Variants in METTL14 observed in about 807,000 individuals in gnomAD.
METTL14 encodes the protein N(6)-adenosine-methyltransferase non-catalytic subunit METTL14.
Under a neutral mutation model 62.4 loss-of-function variants are expected in METTL14, and 32 were observed. That is an observed-to-expected ratio of 0.51 (90% confidence interval 0.39 to 0.69). The LOEUF (loss-of-function observed/expected upper bound fraction) is 0.69, where lower values mean the gene tolerates loss of function less well. Among genes scored for constraint, METTL14 ranks in the 30% least tolerant of loss-of-function variants. METTL14 has a pLI of 0.00. For missense variants in METTL14, 340 were observed against 551.9 expected (o/e 0.62, Z 3.85); for synonymous variants, 150 against 180.0 (o/e 0.83, Z 1.34).
At chr4:118,701,676 G>A (rs774573576) in intron 8 of METTL14, among the ~76,000 whole-genome samples, 1 of 152,092 alleles carries the variant, frequency 6.6e-6, no homozygotes, top group Non-Finnish European at 1.5e-5. Context: ...TTTATTGGTT[G>A]ACACTTCGTT....
intron 7 of METTL14, 49 bp from the exon 8 acceptor site, chr4:118,700,501 G>T: frequency 7.0e-7 from 1 of 1,429,524 alleles, no homozygotes; most frequent in East Asian, 2.3e-5. Context: ...GATTTAGGAT[G>T]AATGGGAAAC....
chr4:118,707,663 C>CAAA (rs58896173), intron 10 of METTL14, among the ~76,000 whole-genome samples: 21 of 54,084 alleles, frequency 3.9e-4, no homozygotes, highest in East Asian at 6.5e-4. Flanking sequence ...GACCCTGTCT[C>CAAA]AAAAAAAAAA....
chr4:118,706,806 T>A (rs924691637), intron 10 of METTL14, among the ~76,000 whole-genome samples: 2 of 152,206 alleles, frequency 1.3e-5, no homozygotes, highest in African/African-American at 2.4e-5. Flanking sequence ...AATGTTGTTT[T>A]AATTTGCATT....
In METTL14 at chr4:118,694,424, T is replaced by A; in HGVS notation, c.413-12T>A. 6.2e-7 allele frequency: 1 copy of A among 1,600,944 alleles called. No homozygotes were observed. The highest frequency in any genetic ancestry group is 8.5e-7 in the Non-Finnish European group (1 of 1,174,856). Reference sequence around the variant, plus strand: ...TGAGATGAATTCAGAATTTACTATTTTTTCTGCTCAGGTTTAGCTGACAGA... The same window carrying A: ...TGAGATGAATTCAGAATTTACTATTATTTCTGCTCAGGTTTAGCTGACAGA... On this transcript the variant is annotated splice_polypyrimidine_tract_variant and intron_variant, in intron 5 of 10. Transcript: ENST00000388822.
At chr4:118,700,355 T>C (rs797000394) in intron 7 of METTL14, among the ~76,000 whole-genome samples, 195 bp from the exon 8 acceptor site, 14 of 152,290 alleles carry the variant, frequency 9.2e-5, no homozygotes, top group African/African-American at 2.6e-4. Context: ...GGTGTGTATG[T>C]TGTTTGTATA....
intron 1 of METTL14, among the ~76,000 whole-genome samples, chr4:118,687,536 G>T (rs1384451058): frequency 5.3e-5 from 8 of 152,114 alleles, no homozygotes; most frequent in Admixed American, 5.2e-4. Flanking sequence ...ACTTACGGTG[G>T]AGTTGTGTTC....
intron 7 of METTL14, among the ~76,000 whole-genome samples, chr4:118,700,328 A>G (rs535495491): frequency 1.3e-5 from 2 of 152,274 alleles, no homozygotes; most frequent in South Asian, 4.1e-4. Flanking sequence ...AAGTGTATAT[A>G]TGTATATATG....
rs567881469 is a variant in METTL14 at position 118,694,544 on chromosome 4, A to G, written c.503+18A>G. On this transcript the variant is annotated intron_variant, in intron 6 of 10. Coordinates refer to ENST00000388822, the MANE Select transcript of METTL14 (RefSeq NM_020961.4). ...CCTCCCATGTAAGTGTTTTTATTCA[A>G]TTACTGTTTATTCCCAACTCAGGCT... The G allele has an allele frequency of 5.2e-6, 8 of 1,550,474 alleles. No homozygotes were observed. In the African/African-American group the frequency reaches 8.1e-5, roughly 16 times the overall value.
intron 2 of METTL14, among the ~76,000 whole-genome samples, chr4:118,688,483 A>G (rs539204958): frequency 1.3e-5 from 2 of 152,158 alleles, no homozygotes; most frequent in East Asian, 1.9e-4. Context: ...GTTTTAATAA[A>G]TAACCCTAGG....
intron 5 of METTL14, among the ~76,000 whole-genome samples, chr4:118,692,717 T>G (rs1560878234): frequency 6.6e-6 from 1 of 152,210 alleles, no homozygotes; most frequent in Non-Finnish European, 1.5e-5. Flanking sequence ...AAGAGTTTTT[T>G]TTTAATGTAT....
chr4:118,700,707 C>T, intron 8 of METTL14, 65 bp downstream of exon 8: 2 of 1,120,612 alleles, frequency 1.8e-6, no homozygotes, highest in Non-Finnish European at 2.6e-6. Flanking sequence ...CAGTATGTTG[C>T]ATAGGATGTT....
In METTL14 at chr4:118,701,183, G is replaced by GTTTTTTTTTTTT. The variant is rs373953605; in HGVS notation, c.738+550_738+551insTTTTTTTTTTTT. Among the ~76,000 whole-genome samples, 35 of 132,296 alleles carry GTTTTTTTTTTTT rather than the reference G, an allele frequency of 2.6e-4. 2 individuals are homozygous for GTTTTTTTTTTTT. The highest frequency in any genetic ancestry group is 4.1e-4 in the Non-Finnish European group (25 of 60,488). The allele number at this position is 132,296 out of a possible 152,430, so 86.8% of individuals were successfully genotyped here. On this transcript the variant is annotated intron_variant, in intron 8 of 10. Coordinates refer to ENST00000388822, the MANE Select transcript of METTL14 (RefSeq NM_020961.4). ...TATTTTTTTATTGGAGTTTTTTTTTGTTTTTTTTTGTTTTTTTGAGACAAG... is the reference window on the plus strand; with the variant it reads ...TATTTTTTTATTGGAGTTTTTTTTTGTTTTTTTTTTTTTTTTTTTTTGTTTTTTTGAGACAAG...
chr4:118,694,599 T>G, intron 6 of METTL14, 73 bp downstream of exon 6: 1 of 1,057,848 alleles, frequency 9.5e-7, no homozygotes, highest in Non-Finnish European at 1.4e-6. Flanking sequence ...TCCTATAACC[T>G]TTTTTCTTCT....
chr4:118,690,574 G>A (rs1447674932), intron 3 of METTL14, among the ~76,000 whole-genome samples: 1 of 151,904 alleles, frequency 6.6e-6, no homozygotes, highest in Non-Finnish European at 1.5e-5. Context: ...CAGCTACTTA[G>A]GTGGCTGAGG....
chr4:118,706,103 A>G (rs1367700020), intron 10 of METTL14, among the ~76,000 whole-genome samples: 10 of 152,186 alleles, frequency 6.6e-5, no homozygotes. Flanking sequence ...GACACATCAT[A>G]ATCACTCAAA....
chr4:118,691,816 T>G (rs993204003), intron 4 of METTL14, among the ~76,000 whole-genome samples, 165 bp from the exon 5 acceptor site: 1 of 152,188 alleles, frequency 6.6e-6, no homozygotes, highest in African/African-American at 2.4e-5. Flanking sequence ...TTAATATCAG[T>G]AGCTACTGAA....
At chr4:118,689,648 CTT>C (rs70941199) in intron 3 of METTL14, among the ~76,000 whole-genome samples, 191 bp downstream of exon 3, 4 of 143,606 alleles carry the variant, frequency 2.8e-5, no homozygotes, top group Non-Finnish European at 3.0e-5. Context: ...TTTTCTTTTC[CTT>C]TTTTTTTTTT....
chr4:118,696,913 G>T (rs1724429629), intron 6 of METTL14, among the ~76,000 whole-genome samples: 1 of 152,022 alleles, frequency 6.6e-6, no homozygotes. Context: ...GTGTACATGG[G>T]GAAAATAGGA....
intron 1 of METTL14, among the ~76,000 whole-genome samples, 178 bp downstream of exon 1, chr4:118,685,778 C>T (rs1239458814): frequency 2.0e-5 from 3 of 152,024 alleles, no homozygotes; most frequent in Non-Finnish European, 4.4e-5. Flanking sequence ...CGCGGTGTCC[C>T]GAATGTTTTT....
Sources: gnomAD v4.1 joint callset for allele counts (sites outside exome capture counted in the v4.1 genomes callset) on GRCh38, gnomAD v4.1.1 for gene constraint, MANE v1.5 for transcripts, NCBI Gene and HGNC (gene_info 2026-07-23, HGNC 2026-07-21) for gene names.